The following WDR7 variants were observed in gnomAD, a reference collection of about 807,000 sequenced individuals.
The protein encoded by WDR7 is WD repeat domain 7, also known as WD repeat-containing protein 7.
Under a neutral mutation model 169.4 loss-of-function variants are expected in WDR7, and 46 were observed. The observed-to-expected ratio is 0.27, with a 90% CI of 0.21 to 0.35. The LOEUF is 0.35. Ranked by LOEUF, WDR7 falls within the 10% of genes least tolerant of loss-of-function variation. WDR7 has a pLI of 1.00. For missense variants in WDR7, 1,534 were observed against 1,859.3 expected (o/e 0.83, Z 3.22); for synonymous variants, 612 against 666.8 (o/e 0.92, Z 1.27).
chr18:56,665,121 C>T (rs777942174), intron 1 of WDR7, among the ~76,000 whole-genome samples: 34 of 151,902 alleles, frequency 2.2e-4, no homozygotes, highest in Non-Finnish European at 4.1e-4. Context: ...GGCAAAACCC[C>T]GTCTCTGCTA....
At chr18:56,806,562 C>A (rs944224415) in intron 19 of WDR7, among the ~76,000 whole-genome samples, 1 of 152,152 alleles carries the variant, frequency 6.6e-6, no homozygotes, top group Non-Finnish European at 1.5e-5. Flanking sequence ...CCCAGTAGCA[C>A]GGTTTTACAT....
At chr18:56,754,279 GTGTGTGTATA>G (rs777688172) in intron 14 of WDR7, among the ~76,000 whole-genome samples, 1 of 122,412 alleles carries the variant, frequency 8.2e-6, no homozygotes, top group African/African-American at 2.9e-5. Flanking sequence ...GTGTGTGTGT[GTGTGTGTATA>G]TGTGTGTGTG....
intron 21 of WDR7, among the ~76,000 whole-genome samples, chr18:56,916,319 C>G (rs987206556): frequency 6.6e-6 from 1 of 151,104 alleles, no homozygotes; most frequent in Non-Finnish European, 1.5e-5. Flanking sequence ...TTCCTGTGTC[C>G]AAGTGTTCTC....
chr18:56,807,763 T>TG (rs11463381), intron 19 of WDR7, among the ~76,000 whole-genome samples: 20,076 of 152,124 alleles, frequency 0.13, 2,046 homozygotes, highest in African/African-American at 0.29. Context: ...ATTCTTACAT[T>TG]GTTATTTGAG....
chr18:56,949,672 G>A (rs536752194), intron 25 of WDR7, among the ~76,000 whole-genome samples: 1 of 152,336 alleles, frequency 6.6e-6, no homozygotes, highest in South Asian at 2.1e-4. Flanking sequence ...GTTAGTTGCA[G>A]TATGGAATCT....
intron 14 of WDR7, among the ~76,000 whole-genome samples, chr18:56,744,828 C>T (rs2043677704): frequency 6.6e-6 from 1 of 152,104 alleles, no homozygotes; most frequent in Admixed American, 6.5e-5. Flanking sequence ...GGCTGAAGAG[C>T]AGATGTGGGG....
intron 21 of WDR7, among the ~76,000 whole-genome samples, chr18:56,898,834 G>A (rs4801058): frequency 0.79 from 119,605 of 151,910 alleles, 48,007 homozygotes; most frequent in East Asian, 0.98. Context: ...CTGTAGGCTA[G>A]TGAGTAGGAT....
At chr18:57,019,860 AG>A (rs2048262610) in intron 26 of WDR7, among the ~76,000 whole-genome samples, 1 of 152,164 alleles carries the variant, frequency 6.6e-6, no homozygotes, top group African/African-American at 2.4e-5. Context: ...AGACAAAGGG[AG>A]GAGACCAACC....
intron 16 of WDR7, among the ~76,000 whole-genome samples, chr18:56,761,179 T>C (rs547593251): frequency 1.3e-5 from 2 of 152,280 alleles, no homozygotes; most frequent in South Asian, 4.2e-4. Flanking sequence ...TGACTAATTT[T>C]TTCTATTTTT....
intron 9 of WDR7, among the ~76,000 whole-genome samples, chr18:56,693,784 C>T (rs374371660): frequency 7.9e-5 from 12 of 152,088 alleles, no homozygotes; most frequent in African/African-American, 2.9e-4. Context: ...GTTGGCCAGG[C>T]TGGTCTTGAA....
chr18:56,847,354 G>A (rs1447498541), intron 20 of WDR7, among the ~76,000 whole-genome samples: 3 of 152,152 alleles, frequency 2.0e-5, no homozygotes, highest in Non-Finnish European at 4.4e-5. Context: ...AACAGCCTGT[G>A]ATTAGATTCA....
chr18:56,812,849 T>A (rs2044895573), intron 19 of WDR7, among the ~76,000 whole-genome samples: 1 of 152,048 alleles, frequency 6.6e-6, no homozygotes. Context: ...TCCCACTCAG[T>A]ACACTGACTC....
chr18:56,918,659 G>GA (rs1568266422), intron 21 of WDR7, among the ~76,000 whole-genome samples: 1 of 152,072 alleles, frequency 6.6e-6, no homozygotes, highest in South Asian at 2.1e-4. Flanking sequence ...ATAGCTTTAT[G>GA]AAAAAACTTA....
chr18:56,682,628 A>G (rs1281033826), intron 4 of WDR7, 51 bp from the exon 5 acceptor site: 4 of 1,568,108 alleles, frequency 2.6e-6, no homozygotes, highest in Non-Finnish European at 3.5e-6. Context: ...TCAAGTATCT[A>G]AATTAAAGGA....
chr18:56,802,532 T>C (rs2044694667), intron 19 of WDR7, among the ~76,000 whole-genome samples: 1 of 150,750 alleles, frequency 6.6e-6, no homozygotes, highest in South Asian at 2.1e-4. Flanking sequence ...AATTTTTTTT[T>C]TTTTTTTTTG....
At chr18:56,894,027 GT>G (rs770903632) in intron 21 of WDR7, among the ~76,000 whole-genome samples, 2 of 151,888 alleles carry the variant, frequency 1.3e-5, no homozygotes, top group Non-Finnish European at 2.9e-5. Flanking sequence ...ATTTTTTCCA[GT>G]TTCTTAGGTT....
chr18:56,934,356 C>A lies in WDR7; in HGVS notation c.3714-1432C>A, dbSNP rs1007785892. On this transcript the variant is annotated intron_variant, in intron 22 of 27. Transcript: ENST00000254442. ...CCCATCTTGCTTTCTCGCAAAACAC[C>A]TCTTTCCAGCTCCTACTGGGACCCA... is the stretch of plus-strand genomic sequence containing the variant. 3.9e-4 allele frequency among the ~76,000 whole-genome samples: 59 copies of A among 152,208 alleles called. 1 individual carries two copies. The highest frequency in any genetic ancestry group is 2.7e-3 in the Admixed American group (41 of 15,288).
chr18:56,882,559 ACCTGAACAAACTTC>A (rs2046124039), intron 21 of WDR7, among the ~76,000 whole-genome samples: 1 of 152,238 alleles, frequency 6.6e-6, no homozygotes, highest in Non-Finnish European at 1.5e-5. Flanking sequence ...TTTAATAAAT[ACCTGAACAAACTTC>A]CCATTAAAAA....
chr18:56,759,952 G>C (rs2043956697), intron 16 of WDR7, among the ~76,000 whole-genome samples: 1 of 152,068 alleles, frequency 6.6e-6, no homozygotes, highest in Non-Finnish European at 1.5e-5. Context: ...CTGTCAGATG[G>C]TTCTCATTGT....
Sources: gnomAD v4.1 joint callset for allele counts (sites outside exome capture counted in the v4.1 genomes callset) on GRCh38, gnomAD v4.1.1 for gene constraint, MANE v1.5 for transcripts, NCBI Gene and HGNC (gene_info 2026-07-23, HGNC 2026-07-21) for gene names.